NT5DC1: variants seen among roughly 807,000 people sequenced by gnomAD.
The protein encoded by NT5DC1 is 5'-nucleotidase domain-containing protein 1.
Under a neutral mutation model 59.4 loss-of-function variants are expected in NT5DC1, and 42 were observed. The ratio of observed to expected loss-of-function variants is 0.71; its 90% CI spans 0.55 to 0.92. NT5DC1 has a LOEUF of 0.92. NT5DC1 is among the 40% of genes least tolerant of loss of function. The pLI is 0.00. For synonymous variants in NT5DC1, 172 were observed against 188.1 expected, an observed-to-expected ratio of 0.91 and a Z score of 0.70; for missense variants, 501 against 537.1, an observed-to-expected ratio of 0.93 and a Z score of 0.66.
At chr6:116,216,121 A>G (rs1781683460) in intron 6 of NT5DC1, among the ~76,000 whole-genome samples, 1 of 152,110 alleles carries the variant, frequency 6.6e-6, no homozygotes, top group Admixed American at 6.6e-5. Context: ...AAGAGTAAAC[A>G]CTTTAAAGAT....
chr6:116,110,764 G>A, intron 3 of NT5DC1, 86 bp from the exon 4 acceptor site: 1 of 975,664 alleles, frequency 1.0e-6, no homozygotes, highest in Non-Finnish European at 1.7e-6. Flanking sequence ...AGCTCCAGTG[G>A]CAACAGGGAT....
intron 1 of NT5DC1, among the ~76,000 whole-genome samples, chr6:116,103,421 T>A (rs1778702988): frequency 6.6e-6 from 1 of 152,020 alleles, no homozygotes; most frequent in African/African-American, 2.4e-5. Flanking sequence ...AGCGAGGTAG[T>A]CCGGCTGTGG....
chr6:116,194,091 G>A (rs1224956842), intron 6 of NT5DC1, among the ~76,000 whole-genome samples: 2 of 151,884 alleles, frequency 1.3e-5, no homozygotes, highest in Non-Finnish European at 2.9e-5. Context: ...AATAAATAAA[G>A]TAAAAGCAAT....
chr6:116,172,052 T>G (rs1182019564), intron 6 of NT5DC1, among the ~76,000 whole-genome samples: 6 of 152,120 alleles, frequency 3.9e-5, no homozygotes, highest in Non-Finnish European at 8.8e-5. Context: ...CACTCTCACT[T>G]CCATCCACAC....
intron 3 of NT5DC1, among the ~76,000 whole-genome samples, chr6:116,109,987 A>G (rs1306763104): frequency 3.3e-5 from 5 of 152,222 alleles, no homozygotes; most frequent in Non-Finnish European, 7.3e-5. Context: ...TGGATAGTAC[A>G]TATCCCTATG....
At chr6:116,230,262 T>C (rs1311408621) in intron 8 of NT5DC1, among the ~76,000 whole-genome samples, 1 of 152,214 alleles carries the variant, frequency 6.6e-6, no homozygotes, top group African/African-American at 2.4e-5. Context: ...GGCACAAATA[T>C]ATTTAATCAC....
At chr6:116,132,081 G>T (rs1164021851) in intron 6 of NT5DC1, among the ~76,000 whole-genome samples, 1 of 152,056 alleles carries the variant, frequency 6.6e-6, no homozygotes, top group Non-Finnish European at 1.5e-5. Context: ...ATCATTGATG[G>T]GTATTTAGGT....
chr6:116,200,136 G>T (rs914066788), intron 6 of NT5DC1, among the ~76,000 whole-genome samples: 7 of 151,844 alleles, frequency 4.6e-5, no homozygotes, highest in African/African-American at 1.2e-4. Flanking sequence ...TATCTCCATG[G>T]TCTTCCACCC....
chr6:116,149,894 G>A (rs114867548), intron 6 of NT5DC1, among the ~76,000 whole-genome samples: 1,683 of 152,292 alleles, frequency 0.011, 20 homozygotes, highest in African/African-American at 0.032. Context: ...AGGACTTAAC[G>A]GCTTTTTATC....
At chr6:116,121,806 C>T in intron 6 of NT5DC1, 1 of 1,613,970 alleles carries the variant, frequency 6.2e-7, no homozygotes, top group African/African-American at 1.3e-5. Flanking sequence ...TTCCCTACAG[C>T]TGATGGTCCC....
intron 3 of NT5DC1, among the ~76,000 whole-genome samples, chr6:116,109,379 G>T (rs549908513): frequency 6.4e-4 from 98 of 152,346 alleles, no homozygotes; most frequent in African/African-American, 2.1e-3. Context: ...GGCATTGAGA[G>T]ATAGGGTATG....
intron 4 of NT5DC1, 111 bp from the exon 5 acceptor site, chr6:116,115,580 G>C (rs1416064370): frequency 4.1e-6 from 2 of 491,936 alleles, no homozygotes; most frequent in Non-Finnish European, 7.4e-6. Context: ...TGGAATGGAG[G>C]CTTCTTCAGA....
At chr6:116,103,802 C>T (rs930967366) in intron 1 of NT5DC1, among the ~76,000 whole-genome samples, 1 of 152,118 alleles carries the variant, frequency 6.6e-6, no homozygotes, top group African/African-American at 2.4e-5. Flanking sequence ...TTTCTCCTCT[C>T]TAAGGTTGCA....
At chr6:116,201,510 G>A (rs1055829477) in intron 6 of NT5DC1, among the ~76,000 whole-genome samples, 3 of 151,982 alleles carry the variant, frequency 2.0e-5, no homozygotes, top group Non-Finnish European at 4.4e-5. Flanking sequence ...GGACTGCCTC[G>A]GTAATGCTTT....
chr6:116,135,834 G>GATATATAT lies in NT5DC1; in HGVS notation c.529+17921_529+17928dup, dbSNP rs199827970. ...ATTTATGGTATACAATATATTTTCA[G>GATATATAT]ATATATATATATATATATATATATA... On this transcript the variant is annotated intron_variant, in intron 6 of 11. Transcript: ENST00000319550. Among the ~76,000 whole-genome samples, 469 of 102,208 alleles carry GATATATAT rather than the reference G, an allele frequency of 4.6e-3. 3 individuals carry two copies. Among genetic ancestry groups the GATATATAT allele is most frequent in the East Asian group, 6.2e-3 (24 of 3,862 alleles). 67.1% of individuals were successfully genotyped at this position (102,208 alleles called of 152,430 possible).
chr6:116,208,166 C>T (rs1368138218), intron 6 of NT5DC1, among the ~76,000 whole-genome samples: 2 of 151,942 alleles, frequency 1.3e-5, no homozygotes, highest in African/African-American at 2.4e-5. Context: ...TCTCTTTGTG[C>T]CTCAAAGCTA....
At chr6:116,182,614 G>A (rs546499185) in intron 6 of NT5DC1, among the ~76,000 whole-genome samples, 5 of 151,788 alleles carry the variant, frequency 3.3e-5, no homozygotes, top group African/African-American at 9.7e-5. Flanking sequence ...TATGGTTTTG[G>A]TTTGCATTTC....
intron 6 of NT5DC1, among the ~76,000 whole-genome samples, chr6:116,154,619 G>C (rs1413688274): frequency 6.6e-6 from 1 of 152,002 alleles, no homozygotes; most frequent in Non-Finnish European, 1.5e-5. Flanking sequence ...AAAGTACACA[G>C]TTCATGGTGT....
chr6:116,113,603 C>G (rs910314267), intron 4 of NT5DC1, among the ~76,000 whole-genome samples: 3 of 152,162 alleles, frequency 2.0e-5, no homozygotes, highest in African/African-American at 7.2e-5. Flanking sequence ...GCTGAACAAG[C>G]CCTTGTGTCC....
Sources: gnomAD v4.1 joint callset for allele counts (sites outside exome capture counted in the v4.1 genomes callset) on GRCh38, gnomAD v4.1.1 for gene constraint, MANE v1.5 for transcripts, NCBI Gene and HGNC (gene_info 2026-07-23, HGNC 2026-07-21) for gene names.